The following ELP3 variants were observed in gnomAD, a reference collection of about 807,000 sequenced individuals.
ELP3 encodes the protein elongator acetyltransferase complex subunit 3.
Under a neutral mutation model 74.9 loss-of-function variants are expected in ELP3, and 56 were observed. The observed-to-expected ratio is 0.75, with a 90% CI of 0.60 to 0.93. The LOEUF is 0.93. ELP3 is among the 40% of genes least tolerant of loss of function. The pLI is 0.00. For missense variants in ELP3, 573 were observed against 686.5 expected, an observed-to-expected ratio of 0.83 and a Z score of 1.85; for synonymous variants, 222 against 239.8, an observed-to-expected ratio of 0.93 and a Z score of 0.68.
chr8:28,139,327 CA>C (rs1813127447), intron 10 of ELP3, among the ~76,000 whole-genome samples: 1 of 151,906 alleles, frequency 6.6e-6, no homozygotes, highest in Non-Finnish European at 1.5e-5. Flanking sequence ...AAGTCAATTA[CA>C]AAAGTTGAAA....
Position 28,178,295 on chromosome 8 carries a change from C to T in ELP3, c.1568-11354C>T, listed in dbSNP as rs188783863. The stretch of plus-strand genomic sequence containing the variant: ...TGTGGGGGATACACATTCGGACCAT[C>T]GCACTCTCTAACCCCCACTTATGTC... On this transcript the variant is annotated intron_variant, in intron 14 of 14. Coordinates refer to ENST00000256398, the MANE Select transcript of ELP3 (RefSeq NM_018091.6). 1.2e-3 allele frequency among the ~76,000 whole-genome samples: 177 copies of T among 152,292 alleles called. 1 individual carries two copies. Among genetic ancestry groups the T allele is most frequent in the South Asian group, 9.1e-3 (44 of 4,822 alleles).
chr8:28,097,995 G>A (rs1411407396), intron 2 of ELP3, among the ~76,000 whole-genome samples: 2 of 152,102 alleles, frequency 1.3e-5, no homozygotes, highest in African/African-American at 2.4e-5. Context: ...GTGCTGCATC[G>A]CTGCACATCC....
chr8:28,103,118 C>T lies in ELP3; in HGVS notation c.258+3152C>T, dbSNP rs560508749. On this transcript the variant is annotated intron_variant, in intron 3 of 14. Coordinates refer to ENST00000256398, the MANE Select transcript of ELP3 (RefSeq NM_018091.6). ...CCAGGAGGCAGAGGTTGCGTTGAGC[C>T]GAGATAATGCCATTGCACTCCAGCC... 9.2e-5 allele frequency among the ~76,000 whole-genome samples: 14 copies of T among 152,250 alleles called. No homozygotes were observed. In the East Asian group the frequency reaches 1.9e-3, roughly 21 times the overall value.
intron 1 of ELP3, among the ~76,000 whole-genome samples, chr8:28,096,909 C>T (rs1485817165): frequency 6.6e-6 from 1 of 152,178 alleles, no homozygotes; most frequent in African/African-American, 2.4e-5. Context: ...TGGTCCTTTC[C>T]TGTGTGATTA....
intron 14 of ELP3, among the ~76,000 whole-genome samples, chr8:28,169,388 G>C (rs913655481): frequency 6.6e-6 from 1 of 152,194 alleles, no homozygotes; most frequent in African/African-American, 2.4e-5. Flanking sequence ...GATGGTTCCT[G>C]TCTGTTCTGT....
intron 7 of ELP3, among the ~76,000 whole-genome samples, chr8:28,129,043 CT>C (rs199517352): frequency 3.3e-5 from 5 of 151,476 alleles, no homozygotes; most frequent in East Asian, 1.9e-4. Context: ...GCCCTCCCCC[CT>C]TTTTTTTCTT....
Position 28,099,834 on chromosome 8 carries a change from A to G in ELP3, c.126A>G (p.Lys42=). ...TGAGATGCTTTACTTTCAGGGTGAA[A>G]ACCAAGACAGCTGCCAAATATGGCC... ...QGKDIDLNKV[K]TKTAAKYGLS... The change falls in exon 3 of 15, where the codon AAA becomes AAG. Residue 42 remains lysine, a synonymous_variant. Coordinates refer to ENST00000256398, the MANE Select transcript of ELP3 (RefSeq NM_018091.6). The G allele has an allele frequency of 6.2e-7, 1 of 1,614,150 alleles. No individual in the cohort carries two copies. Among genetic ancestry groups the G allele is most frequent in the Non-Finnish European group, 8.5e-7 (1 of 1,180,030 alleles).
intron 3 of ELP3, among the ~76,000 whole-genome samples, chr8:28,106,061 G>C (rs927361251): frequency 2.1e-4 from 32 of 152,118 alleles, no homozygotes; most frequent in African/African-American, 7.7e-4. Context: ...TTTCTTACAG[G>C]CTGTTTACTA....
chr8:28,116,741 AAAAC>A (rs955341494), intron 7 of ELP3, among the ~76,000 whole-genome samples: 13 of 152,238 alleles, frequency 8.5e-5, no homozygotes, highest in Non-Finnish European at 1.3e-4. Context: ...TGTGTCTCAA[AAAAC>A]AAACAACAAC....
chr8:28,102,831 A>G (rs1811544197), intron 3 of ELP3, among the ~76,000 whole-genome samples: 1 of 152,210 alleles, frequency 6.6e-6, no homozygotes, highest in East Asian at 1.9e-4. Context: ...AATGTCATGT[A>G]TCCACTATTA....
intron 10 of ELP3, among the ~76,000 whole-genome samples, chr8:28,146,474 TG>T (rs1245785751): frequency 2.0e-5 from 3 of 152,214 alleles, no homozygotes; most frequent in Non-Finnish European, 4.4e-5. Flanking sequence ...TGTTACCTGT[TG>T]AAATAGAACA....
At chr8:28,130,668 G>T (rs567041283) in intron 8 of ELP3, among the ~76,000 whole-genome samples, 3 of 152,336 alleles carry the variant, frequency 2.0e-5, no homozygotes, top group Admixed American at 2.0e-4. Context: ...AGAGACAGTT[G>T]TGCAGATGGA....
At chr8:28,133,613 A>T (rs1563265180) in intron 9 of ELP3, among the ~76,000 whole-genome samples, 1 of 152,106 alleles carries the variant, frequency 6.6e-6, no homozygotes, top group Non-Finnish European at 1.5e-5. Context: ...CGATAGGGCA[A>T]GTGTGTTTTA....
At chr8:28,130,134 A>G (rs916972924) in intron 8 of ELP3, among the ~76,000 whole-genome samples, 2 of 152,248 alleles carry the variant, frequency 1.3e-5, no homozygotes, top group Non-Finnish European at 2.9e-5. Flanking sequence ...AGAAGGAAGT[A>G]AGAGTTGTTA....
intron 7 of ELP3, among the ~76,000 whole-genome samples, chr8:28,115,893 T>C (rs1235472870): frequency 6.6e-6 from 1 of 152,216 alleles, no homozygotes; most frequent in Non-Finnish European, 1.5e-5. Context: ...CTCTGGCTTC[T>C]CTTTTATATG....
rs544701395 is a variant in ELP3 at position 28,147,727 on chromosome 8, C to T, written c.1101-8215C>T. 2.6e-5 allele frequency among the ~76,000 whole-genome samples: 4 copies of T among 152,090 alleles called. No individual in the cohort carries two copies. Among genetic ancestry groups the T allele is most frequent in the Non-Finnish European group, 5.9e-5 (4 of 68,032 alleles). On this transcript the variant is annotated intron_variant, in intron 10 of 14. Transcript: ENST00000256398. The surrounding 1 kb of genome is among the most constrained non-coding windows in gnomAD (Gnocchi z 4.5). ...CAATGACACCCAGCAGTAATAAACA[C>T]AGTGAGTTCCAAGATTATAGTTTCT...
intron 14 of ELP3, among the ~76,000 whole-genome samples, chr8:28,176,818 G>A (rs889043941): frequency 1.3e-5 from 2 of 152,104 alleles, no homozygotes; most frequent in African/African-American, 4.8e-5. Context: ...GTAAAGAAGT[G>A]AGAATGATGT....
At chr8:28,189,528 T>G in intron 14 of ELP3, 121 bp from the exon 15 acceptor site, 4 of 813,134 alleles carry the variant, frequency 4.9e-6, no homozygotes, top group Non-Finnish European at 6.1e-6. Flanking sequence ...TAAGCTGAGA[T>G]TTTATGTGGG....
intron 7 of ELP3, among the ~76,000 whole-genome samples, chr8:28,118,316 G>A (rs1812218446): frequency 6.6e-6 from 1 of 152,136 alleles, no homozygotes; most frequent in African/African-American, 2.4e-5. Context: ...CCTGATTAAA[G>A]TTTTGCTTCT....
Sources: allele counts gnomAD v4.1 joint callset (sites outside exome capture counted in the v4.1 genomes callset), GRCh38; gene constraint gnomAD v4.1.1; non-coding constraint Gnocchi (gnomAD v3.1); transcripts MANE v1.5; gene names NCBI Gene and HGNC (gene_info 2026-07-23, HGNC 2026-07-21).